The following PDIA5 variants were observed in gnomAD, a reference collection of about 807,000 sequenced individuals.
PDIA5 encodes the protein protein disulfide isomerase family A member 5, also known as protein disulfide-isomerase A5.
A neutral mutation model predicts 77.6 loss-of-function variants in PDIA5; 58 were observed. The observed-to-expected ratio is 0.75, with a 90% CI of 0.61 to 0.93. The LOEUF (loss-of-function observed/expected upper bound fraction) is 0.93, where lower values mean the gene tolerates loss of function less well. Among genes scored for constraint, PDIA5 ranks in the 40% least tolerant of loss-of-function variants. PDIA5 has a pLI of 0.00. For synonymous variants in PDIA5, 250 were observed against 252.1 expected (o/e 0.99, Z 0.08); for missense variants, 630 against 647.7 (o/e 0.97, Z 0.30).
In PDIA5 at chr3:123,145,512, C is replaced by T. The variant is rs749803851; in HGVS notation, c.911-10C>T. ...CCATAAGAATGGTTTCTCTTGATCTCTCCCCACAGGGTGTGGCCACTGTAA... is the reference window on the plus strand; with the variant it reads ...CCATAAGAATGGTTTCTCTTGATCTTTCCCCACAGGGTGTGGCCACTGTAA... On this transcript the variant is annotated splice_polypyrimidine_tract_variant and intron_variant, in intron 11 of 16. Coordinates refer to ENST00000316218, the MANE Select transcript of PDIA5 (RefSeq NM_006810.4). 6.2e-7 allele frequency: 1 copy of T among 1,612,518 alleles called. No individual in the cohort carries two copies. Among genetic ancestry groups the T allele is most frequent in the African/African-American group, 1.3e-5 (1 of 75,016 alleles).
At chr3:123,111,275 C>A (rs1934857731) in intron 7 of PDIA5, among the ~76,000 whole-genome samples, 1 of 152,230 alleles carries the variant, frequency 6.6e-6, no homozygotes, top group Admixed American at 6.5e-5. Flanking sequence ...TTGGTCAGCT[C>A]CACCTTCCCC....
intron 8 of PDIA5, among the ~76,000 whole-genome samples, chr3:123,119,068 T>C (rs552182663): frequency 6.6e-6 from 1 of 152,134 alleles, no homozygotes; most frequent in South Asian, 2.1e-4. Context: ...CTGGGCAACA[T>C]AGTGAAACCC....
chr3:123,146,894 C>T (rs1453171853), intron 13 of PDIA5, among the ~76,000 whole-genome samples: 1 of 152,220 alleles, frequency 6.6e-6, no homozygotes, highest in Non-Finnish European at 1.5e-5. Flanking sequence ...ACTGCAACCT[C>T]CACCTCCCAG....
At chr3:123,088,129 A>G (rs1179915401) in intron 1 of PDIA5, among the ~76,000 whole-genome samples, 2 of 152,040 alleles carry the variant, frequency 1.3e-5, no homozygotes, top group Non-Finnish European at 2.9e-5. Flanking sequence ...TTCTTACTCA[A>G]TCTCTCCATA....
intron 1 of PDIA5, among the ~76,000 whole-genome samples, chr3:123,083,040 G>A (rs1419862035): frequency 6.6e-6 from 1 of 152,142 alleles, no homozygotes; most frequent in African/African-American, 2.4e-5. Flanking sequence ...ACAAGAGCAC[G>A]GCAGGGGGTC....
intron 6 of PDIA5, 123 bp downstream of exon 6, chr3:123,106,964 C>G (rs866536098): frequency 4.3e-6 from 3 of 694,320 alleles, no homozygotes; most frequent in Non-Finnish European, 2.5e-6. Flanking sequence ...TACTTTTCCT[C>G]TAGGGAAGCT....
At chr3:123,150,703 G>A (rs148383434) in intron 14 of PDIA5, among the ~76,000 whole-genome samples, 336 of 97,598 alleles carry the variant, frequency 3.4e-3, no homozygotes, top group Non-Finnish European at 5.2e-3. Flanking sequence ...AGCTGTCCCC[G>A]CCCCCTCTTC....
At chr3:123,086,348 G>T (rs1934137891) in intron 1 of PDIA5, among the ~76,000 whole-genome samples, 1 of 152,210 alleles carries the variant, frequency 6.6e-6, no homozygotes, top group South Asian at 2.1e-4. Context: ...GTAAAAGGTT[G>T]AGTGACATTG....
intron 5 of PDIA5, among the ~76,000 whole-genome samples, chr3:123,106,372 C>T (rs1488261776): frequency 6.6e-6 from 1 of 152,222 alleles, no homozygotes; most frequent in African/African-American, 2.4e-5. Flanking sequence ...GTCAGAAAGA[C>T]TTCTTGGAGG....
At chr3:123,097,729 G>C (rs1934477996) in intron 3 of PDIA5, among the ~76,000 whole-genome samples, 1 of 151,858 alleles carries the variant, frequency 6.6e-6, no homozygotes, top group Non-Finnish European at 1.5e-5. Flanking sequence ...TTGAAGTGAG[G>C]GCACTTTCTA....
chr3:123,102,882 G>A, intron 5 of PDIA5, 86 bp downstream of exon 5: 2 of 838,868 alleles, frequency 2.4e-6, no homozygotes, highest in Middle Eastern at 2.2e-4. Flanking sequence ...AGAAAAGAAA[G>A]GGCAGATTGC....
intron 8 of PDIA5, among the ~76,000 whole-genome samples, chr3:123,122,061 A>G (rs1935133776): frequency 6.6e-6 from 1 of 152,220 alleles, no homozygotes; most frequent in Non-Finnish European, 1.5e-5. Flanking sequence ...AGAATAAAAA[A>G]TCTAGACCCT....
At chr3:123,143,034 C>T (rs1935678072) in intron 11 of PDIA5, among the ~76,000 whole-genome samples, 2 of 152,012 alleles carry the variant, frequency 1.3e-5, no homozygotes, top group African/African-American at 4.8e-5. Context: ...AAATGGTGAT[C>T]CTTTTGCTTC....
chr3:123,098,305 T>A (rs1934494155), intron 3 of PDIA5, among the ~76,000 whole-genome samples: 1 of 152,106 alleles, frequency 6.6e-6, no homozygotes. Context: ...GCTGGACTTG[T>A]GAAAGACCTC....
intron 1 of PDIA5, among the ~76,000 whole-genome samples, chr3:123,087,022 T>C (rs924273968): frequency 3.9e-5 from 6 of 152,238 alleles, no homozygotes; most frequent in Non-Finnish European, 8.8e-5. Context: ...GTTGTATTTA[T>C]TTTTTCTTTG....
intron 5 of PDIA5, among the ~76,000 whole-genome samples, chr3:123,106,376 T>A (rs1424329781): frequency 6.6e-6 from 1 of 152,252 alleles, no homozygotes; most frequent in East Asian, 1.9e-4. Context: ...GAAAGACTTC[T>A]TGGAGGAGAT....
At chr3:123,101,374 TG>T (rs1233241575) in intron 3 of PDIA5, among the ~76,000 whole-genome samples, 1 of 152,172 alleles carries the variant, frequency 6.6e-6, no homozygotes, top group Non-Finnish European at 1.5e-5. Flanking sequence ...TGAAATCCAT[TG>T]TTCTAACAGG....
intron 11 of PDIA5, among the ~76,000 whole-genome samples, chr3:123,130,900 C>T (rs1245984375): frequency 6.6e-6 from 1 of 152,168 alleles, no homozygotes; most frequent in African/African-American, 2.4e-5. Flanking sequence ...GCATCTTCCT[C>T]CCAGTCAGCA....
intron 11 of PDIA5, among the ~76,000 whole-genome samples, chr3:123,135,429 G>T (rs954557456): frequency 9.9e-5 from 15 of 152,098 alleles, no homozygotes; most frequent in Non-Finnish European, 2.2e-4. Flanking sequence ...GGGGCCACGT[G>T]GCTCTACCCT....
Sources: allele counts gnomAD v4.1 joint callset (sites outside exome capture counted in the v4.1 genomes callset), GRCh38; gene constraint gnomAD v4.1.1; transcripts MANE v1.5; gene names NCBI Gene and HGNC (gene_info 2026-07-23, HGNC 2026-07-21).